Variants in VIT observed in about 807,000 individuals in gnomAD.
VIT encodes the protein vitrin.
A neutral mutation model predicts 78.0 loss-of-function variants in VIT; 99 were observed. The observed-to-expected ratio is 1.27, with a 90% CI of 1.08 to 1.50. The LOEUF is 1.50. Among genes scored for constraint, VIT ranks in the 40% most tolerant of loss-of-function variants. The pLI, the probability that VIT is intolerant of heterozygous loss-of-function variation, is 0.00. For missense variants in VIT, 1,126 were observed against 875.3 expected, an observed-to-expected ratio of 1.29 and a Z score of -3.61; for synonymous variants, 374 against 334.3, an observed-to-expected ratio of 1.12 and a Z score of -1.29.
intron 12 of VIT, among the ~76,000 whole-genome samples, chr2:36,797,375 G>C (rs1255921318): frequency 6.6e-6 from 1 of 152,184 alleles, no homozygotes; most frequent in Non-Finnish European, 1.5e-5. Context: ...CAATATTCAG[G>C]AAAGAGATGA....
chr2:36,801,197 GA>G, intron 12 of VIT, 103 bp from the exon 13 acceptor site: 1 of 1,060,870 alleles, frequency 9.4e-7, no homozygotes, highest in Non-Finnish European at 1.4e-6. Context: ...AGAAGGCTTT[GA>G]AGCAGCTTCT....
intron 4 of VIT, among the ~76,000 whole-genome samples, chr2:36,748,130 A>G (rs1253263323): frequency 6.6e-6 from 1 of 151,980 alleles, no homozygotes; most frequent in Non-Finnish European, 1.5e-5. Context: ...AGGTGGTCTG[A>G]CCCTTTGATT....
intron 4 of VIT, among the ~76,000 whole-genome samples, chr2:36,745,578 T>A (rs1161895898): frequency 1.3e-5 from 2 of 152,152 alleles, no homozygotes. Context: ...GTGGCTACTG[T>A]AAATGGGATT....
intron 1 of VIT, among the ~76,000 whole-genome samples, chr2:36,701,984 A>T (rs1218122091): frequency 6.6e-6 from 1 of 152,184 alleles, no homozygotes; most frequent in Non-Finnish European, 1.5e-5. Context: ...GCACATAATA[A>T]ACAAATACAG....
At chr2:36,697,705 A>C (rs372228905) in intron 1 of VIT, among the ~76,000 whole-genome samples, 1 of 152,350 alleles carries the variant, frequency 6.6e-6, no homozygotes, top group South Asian at 2.1e-4. Flanking sequence ...AAGAGAGAGG[A>C]TAAGACTGAA....
chr2:36,813,202 C>A (rs908892773), intron 15 of VIT, among the ~76,000 whole-genome samples: 1 of 151,660 alleles, frequency 6.6e-6, no homozygotes, highest in African/African-American at 2.4e-5. Flanking sequence ...GTAATCCCAG[C>A]ACTTTGGGAG....
intron 7 of VIT, among the ~76,000 whole-genome samples, chr2:36,770,083 CA>C: frequency 6.6e-6 from 1 of 152,154 alleles, no homozygotes; most frequent in East Asian, 1.9e-4. Context: ...TGGCTGTAGG[CA>C]AAAGGTTCTA....
intron 10 of VIT, 141 bp from the exon 11 acceptor site, chr2:36,783,199 G>A (rs1664874906): frequency 3.1e-6 from 2 of 635,130 alleles, no homozygotes; most frequent in Non-Finnish European, 5.6e-6. Flanking sequence ...CTCAGGATGG[G>A]GGTGATGTGA....
In VIT at chr2:36,699,626, G is replaced by GTAGGTAGGTAGA. The variant is rs372689790; in HGVS notation, c.-19+2656_-19+2657insGTAGGTAGATAG. 1.2e-3 allele frequency among the ~76,000 whole-genome samples: 173 copies of GTAGGTAGGTAGA among 141,978 alleles called. 2 individuals are homozygous for GTAGGTAGGTAGA. Among genetic ancestry groups the GTAGGTAGGTAGA allele is most frequent in the African/African-American group, 4.1e-3 (154 of 37,794 alleles). The allele number at this position is 141,978 out of a possible 152,430, so 93.1% of individuals were successfully genotyped here. Reference sequence around the variant, plus strand: ...GATATAGATATAGATAGATATATAGGTAGATAGATAGATAGATAGATAGAT... The same window carrying GTAGGTAGGTAGA: ...GATATAGATATAGATAGATATATAGGTAGGTAGGTAGATAGATAGATAGATAGATAGATAGAT... On this transcript the variant is annotated intron_variant, in intron 1 of 15. Transcript: ENST00000379242.
chr2:36,781,597 C>G (rs1664756675), intron 9 of VIT, 130 bp from the exon 10 acceptor site: 2 of 920,866 alleles, frequency 2.2e-6, no homozygotes, highest in Admixed American at 2.6e-5. Flanking sequence ...ATCCAAAATT[C>G]TGGCCCTCTG....
chr2:36,700,480 A>G (rs898572075), intron 1 of VIT, among the ~76,000 whole-genome samples: 1 of 152,112 alleles, frequency 6.6e-6, no homozygotes. Context: ...GGTGGCTCAT[A>G]CCTGTGAATC....
rs1667933896 is a variant in VIT, at chr2:36,743,138, A to G, written c.157A>G (p.Ile53Val). The change falls in exon 4 of 16, where the codon ATC (isoleucine) becomes GTC (valine). Residue 53 changes from isoleucine (I) to valine (V), a missense_variant. Transcript: ENST00000379242. ...QINCDVKAGKIIDPEFIVKCP... is the reference protein window; with the variant it reads ...QINCDVKAGKVIDPEFIVKCP... ...CAACTGCGATGTCAAAGCCGGAAAGATCATCGATCCTGAGTTCATTGTGAA... is the reference window on the plus strand; with the variant it reads ...CAACTGCGATGTCAAAGCCGGAAAGGTCATCGATCCTGAGTTCATTGTGAA... 1 of 1,613,982 alleles carries G rather than the reference A, an allele frequency of 6.2e-7. No homozygotes were observed. Among genetic ancestry groups the G allele is most frequent in the Non-Finnish European group, 8.5e-7 (1 of 1,179,980 alleles).
chr2:36,701,536 C>A (rs565898891), intron 1 of VIT, among the ~76,000 whole-genome samples: 1 of 152,278 alleles, frequency 6.6e-6, no homozygotes, highest in East Asian at 1.9e-4. Context: ...TCTGTGTGGA[C>A]GTGTGGTAAA....
At chr2:36,783,261 C>T (rs1664879512) in intron 10 of VIT, 79 bp from the exon 11 acceptor site, 4 of 1,412,484 alleles carry the variant, frequency 2.8e-6, no homozygotes, top group Non-Finnish European at 2.0e-6. Context: ...TGTGAATATC[C>T]ATTATGTCCC....
chr2:36,796,499 AC>A (rs1284314155), intron 12 of VIT, among the ~76,000 whole-genome samples: 1 of 152,206 alleles, frequency 6.6e-6, no homozygotes, highest in Admixed American at 6.5e-5. Flanking sequence ...GGGGAAAGAG[AC>A]AGGGAATCGA....
intron 1 of VIT, among the ~76,000 whole-genome samples, chr2:36,705,178 T>A (rs941991862): frequency 1.3e-5 from 2 of 152,164 alleles, no homozygotes; most frequent in African/African-American, 4.8e-5. Flanking sequence ...CCAGGGTAAC[T>A]AAGAGGAGCA....
In VIT at chr2:36,729,412, T is replaced by A. The variant is rs1341767854; in HGVS notation, c.53-14T>A. The A allele has an allele frequency of 6.3e-7, 1 of 1,586,424 alleles. No homozygotes were observed. Among genetic ancestry groups the A allele is most frequent in the Non-Finnish European group, 8.5e-7 (1 of 1,171,102 alleles). Reference sequence around the variant, plus strand: ...ATAAAATTGATTAAATTTTTAAAAATTTTCTTCATGTAGTTTTGCTGGTGA... The same window carrying A: ...ATAAAATTGATTAAATTTTTAAAAAATTTCTTCATGTAGTTTTGCTGGTGA... On this transcript the variant is annotated splice_polypyrimidine_tract_variant and intron_variant, in intron 2 of 15. Transcript: ENST00000379242.
At chr2:36,764,388 T>A (rs532203016) in intron 6 of VIT, among the ~76,000 whole-genome samples, 12 of 152,368 alleles carry the variant, frequency 7.9e-5, no homozygotes, top group African/African-American at 2.9e-4. Context: ...CTGGTAGCAT[T>A]ACCAGAGGGT....
rs757960798 is a variant in VIT, at chr2:36,805,400, C to T, written c.1163-38C>T. ...GATCTCTTCCTGTATTTATAATCAGCGTGATCACTCCAAGCATGAATTTTC... is the reference window on the plus strand; with the variant it reads ...GATCTCTTCCTGTATTTATAATCAGTGTGATCACTCCAAGCATGAATTTTC... On this transcript the variant is annotated intron_variant, in intron 13 of 15. Transcript: ENST00000379242. 3.6e-5 allele frequency: 55 copies of T among 1,542,358 alleles called. 1 individual carries two copies. Among genetic ancestry groups the T allele is most frequent in the Admixed American group, 2.4e-4 (12 of 49,728 alleles).
Sources: gnomAD v4.1 joint callset for allele counts (sites outside exome capture counted in the v4.1 genomes callset) on GRCh38, gnomAD v4.1.1 for gene constraint, MANE v1.5 for transcripts, NCBI Gene and HGNC (gene_info 2026-07-23, HGNC 2026-07-21) for gene names.